MYMX: variants seen among roughly 807,000 people sequenced by gnomAD.
MYMX encodes protein myomixer.
the MYMX span, among the ~76,000 whole-genome samples, chr6:44,208,258 AAAAG>A: frequency 4.0e-5 from 6 of 151,652 alleles, no homozygotes; most frequent in African/African-American, 2.4e-5. Context: ...AAAAAAAAAA[AAAAG>A]AAAGAAAGAA....
chr6:44,207,463 T>C, the MYMX span, among the ~76,000 whole-genome samples: 1 of 151,826 alleles, frequency 6.6e-6, no homozygotes, highest in Admixed American at 6.6e-5. Context: ...TGGCTGTCTC[T>C]GGGACTGAAC....
the MYMX span, among the ~76,000 whole-genome samples, chr6:44,211,221 C>T: frequency 1.3e-5 from 2 of 152,074 alleles, no homozygotes; most frequent in Non-Finnish European, 2.9e-5. Flanking sequence ...CTGCTTACTT[C>T]CTAGTTTTCG....
At chr6:44,197,263 C>T in the MYMX span, among the ~76,000 whole-genome samples, 6 of 150,792 alleles carry the variant, frequency 4.0e-5, no homozygotes, top group East Asian at 2.0e-4. Context: ...CTGGGCACGG[C>T]GGCTCACGCC....
the MYMX span, among the ~76,000 whole-genome samples, chr6:44,200,814 G>A: frequency 9.2e-5 from 14 of 152,240 alleles, no homozygotes; most frequent in East Asian, 2.7e-3. Context: ...GCCAGAGAGG[G>A]TAGGGCCCCC....
chr6:44,196,295 T>C, the MYMX span, among the ~76,000 whole-genome samples: 869 of 152,138 alleles, frequency 5.7e-3, 8 homozygotes, highest in Non-Finnish European at 9.7e-3. Context: ...CAGTTTAGAA[T>C]TGCTGGGTTC....
chr6:44,207,435 G>T, the MYMX span, among the ~76,000 whole-genome samples: 58 of 152,206 alleles, frequency 3.8e-4, no homozygotes, highest in African/African-American at 1.3e-3. Flanking sequence ...CACCGTGCCT[G>T]GTGGTCTTTG....
the MYMX span, among the ~76,000 whole-genome samples, chr6:44,206,871 G>A: frequency 6.6e-6 from 1 of 152,124 alleles, no homozygotes; most frequent in South Asian, 2.1e-4. Flanking sequence ...CAGGCTGGGA[G>A]CCCGAGACAT....
At chr6:44,194,798 G>A in the MYMX span, among the ~76,000 whole-genome samples, 29 of 152,200 alleles carry the variant, frequency 1.9e-4, no homozygotes, top group South Asian at 6.0e-3. Context: ...GGAAAGGGAG[G>A]GAAAAAGATG....
At chr6:44,196,580 GA>G in the MYMX span, among the ~76,000 whole-genome samples, 1 of 152,198 alleles carries the variant, frequency 6.6e-6, no homozygotes. Context: ...TCAGAAGGCT[GA>G]GGCACGAGAA....
At chr6:44,208,436 TA>T in the MYMX span, among the ~76,000 whole-genome samples, 1 of 152,002 alleles carries the variant, frequency 6.6e-6, no homozygotes, top group Admixed American at 6.6e-5. Flanking sequence ...AAATCCACCA[TA>T]AATCCCCTTC....
the MYMX span, among the ~76,000 whole-genome samples, chr6:44,205,993 CAAAACAAA>C: frequency 1.3e-5 from 1 of 74,864 alleles, no homozygotes; most frequent in South Asian, 4.4e-4. Flanking sequence ...AAAAAAAAAA[CAAAACAAA>C]AAAAAACCTC....
the MYMX span, among the ~76,000 whole-genome samples, chr6:44,202,920 C>CT: frequency 6.6e-6 from 1 of 152,230 alleles, no homozygotes; most frequent in Non-Finnish European, 1.5e-5. Flanking sequence ...ATCTCTCACT[C>CT]TGTTTACAAG....
At chr6:44,193,960 G>A in the MYMX span, among the ~76,000 whole-genome samples, 4 of 152,180 alleles carry the variant, frequency 2.6e-5, no homozygotes, top group Non-Finnish European at 5.9e-5. Flanking sequence ...CTCCAGCCTG[G>A]GAGACAAGAG....
At chr6:44,215,758 C>T (rs934001224), upstream of MYMX, among the ~76,000 whole-genome samples, 5 of 151,418 alleles carry the variant, frequency 3.3e-5, no homozygotes, top group Non-Finnish European at 7.4e-5. Context: ...AGCCGGGCAT[C>T]GTGGCGGGTG....
At chr6:44,197,307 C>A in the MYMX span, among the ~76,000 whole-genome samples, 5 of 152,038 alleles carry the variant, frequency 3.3e-5, no homozygotes, top group African/African-American at 1.2e-4. Flanking sequence ...CGGAGGCAGG[C>A]GGATCATTTG....
At chr6:44,208,880 C>T in the MYMX span, among the ~76,000 whole-genome samples, 29 of 152,330 alleles carry the variant, frequency 1.9e-4, no homozygotes, top group Middle Eastern at 3.4e-3. Flanking sequence ...ACCTCTTCTA[C>T]ACAGTGGCAG....
chr6:44,214,293 A>G (rs1325345314), upstream of MYMX, among the ~76,000 whole-genome samples: 1 of 152,244 alleles, frequency 6.6e-6, no homozygotes, highest in Non-Finnish European at 1.5e-5. Context: ...AGATTTTGAA[A>G]GTAGAGCCAC....
chr6:44,202,231 G>A, the MYMX span, among the ~76,000 whole-genome samples: 6 of 152,156 alleles, frequency 3.9e-5, no homozygotes, highest in African/African-American at 1.4e-4. Context: ...CCAGAGCCTT[G>A]CACGGGCTTT....
At chr6:44,216,651 T>G (rs1251137393), upstream of MYMX, among the ~76,000 whole-genome samples, 5 of 47,972 alleles carry the variant, frequency 1.0e-4, no homozygotes. Context: ...AAACTCTGTC[T>G]CAAAAAAAAA....
Sources: gnomAD v4.1 joint callset for allele counts (sites outside exome capture counted in the v4.1 genomes callset) on GRCh38, gnomAD v4.1.1 for gene constraint, MANE v1.5 for transcripts, NCBI Gene and HGNC (gene_info 2026-07-23, HGNC 2026-07-21) for gene names.